Variants in HSH2D observed in about 807,000 individuals in gnomAD.
HSH2D encodes the protein hematopoietic SH2 domain containing, also known as hematopoietic SH2 domain-containing protein.
HSH2D carries 16 observed loss-of-function variants against 21.5 expected under a neutral mutation model. The ratio of observed to expected loss-of-function variants is 0.74; its 90% CI spans 0.50 to 1.13. HSH2D has a LOEUF of 1.13. Among genes scored for constraint, HSH2D ranks in the 50% most tolerant of loss-of-function variants. The pLI, the probability that HSH2D is intolerant of heterozygous loss-of-function variation, is 0.00. For missense variants in HSH2D, 418 were observed against 441.4 expected (o/e 0.95, Z 0.47); for synonymous variants, 172 against 184.7 (o/e 0.93, Z 0.56).
intron 1 of HSH2D, among the ~76,000 whole-genome samples, chr19:16,146,479 C>G (rs1028621621): frequency 2.3e-4 from 35 of 152,104 alleles, no homozygotes; most frequent in African/African-American, 8.4e-4. Context: ...AGTTCAAAGC[C>G]AGACTGGACA....
intron 1 of HSH2D, among the ~76,000 whole-genome samples, chr19:16,147,821 T>C (rs1198630696): frequency 3.3e-5 from 5 of 152,022 alleles, no homozygotes; most frequent in African/African-American, 1.2e-4. Flanking sequence ...CATTTTTGTA[T>C]TTTTGTAGTG....
At position 16,148,763 on chromosome 19, in the gene HSH2D, G is replaced by A. The variant is rs1235832273; in HGVS notation, c.13G>A (p.Gly5Arg). 12 of 1,613,954 alleles carry A rather than the reference G, an allele frequency of 7.4e-6. No homozygotes were observed. The highest frequency in any genetic ancestry group is 2.2e-5 in the South Asian group (2 of 91,074). Residue 5 changes from glycine to arginine, a missense_variant, in exon 2 of 6, where the codon GGG (glycine) becomes AGG (arginine). Coordinates refer to ENST00000613986, the MANE Select transcript of HSH2D (RefSeq NM_001382417.1). ...ACCCCAGGAAGCTATGACAGAGGCCGGGAAGCTGCCCCTACCGCTACCCCC... is the reference window on the plus strand; with the variant it reads ...ACCCCAGGAAGCTATGACAGAGGCCAGGAAGCTGCCCCTACCGCTACCCCC... MTEA[G>R]KLPLPLPPRL...
chr19:16,141,397 A>G (rs547157730), upstream of HSH2D, among the ~76,000 whole-genome samples: 252 of 152,316 alleles, frequency 1.7e-3, no homozygotes, highest in African/African-American at 5.9e-3. Context: ...TCTGCCTGAA[A>G]GGAGAGGAGG....
intron 2 of HSH2D, 106 bp downstream of exon 2, chr19:16,148,981 G>A: frequency 7.8e-7 from 1 of 1,276,928 alleles, no homozygotes; most frequent in Admixed American, 2.4e-5. Context: ...GCTCAGCTCA[G>A]TGTGGCAAGA....
At chr19:16,141,617 C>G (rs2145015464), upstream of HSH2D, among the ~76,000 whole-genome samples, 1 of 152,254 alleles carries the variant, frequency 6.6e-6, no homozygotes, top group South Asian at 2.1e-4. Context: ...GTCTTAATGC[C>G]AACACAGTTG....
In HSH2D at chr19:16,145,177, T is replaced by C. The variant is rs536146353; in HGVS notation, c.-28+1403T>C. Among the ~76,000 whole-genome samples, 13 of 152,094 alleles carry C rather than the reference T, an allele frequency of 8.5e-5. 1 individual carries two copies. The South Asian group carries it at 2.5e-3, about 29-fold the overall frequency. ...CCTCAGCCTCCTGAGTAGCTGAGAC[T>C]ACAGGCACATGCCACTGTAAGTTTT... is the stretch of plus-strand genomic sequence containing the variant. On this transcript the variant is annotated intron_variant, in intron 1 of 5. Coordinates refer to ENST00000613986, the MANE Select transcript of HSH2D (RefSeq NM_001382417.1).
intron 1 of HSH2D, among the ~76,000 whole-genome samples, chr19:16,145,404 G>T (rs2091054570): frequency 6.6e-6 from 1 of 151,930 alleles, no homozygotes; most frequent in Non-Finnish European, 1.5e-5. Context: ...TTAGAGATGG[G>T]GTTTCACCAT....
In HSH2D at chr19:16,158,330, C is replaced by T. The variant is rs432781; in HGVS notation, c.*536C>T. The T allele has an allele frequency of 0.64, 97,166 of 152,050 alleles. 33,021 individuals carry two copies. Among genetic ancestry groups the T allele is most frequent in the East Asian group, 0.95 (4,908 of 5,152 alleles). The allele number at this position is 152,050 out of a possible 1,614,324, so 9.4% of individuals were successfully genotyped here. ...GGCAGATCGCTTGAGGTCAGGAGTT[C>T]GAGACCAGCCTGGCCAACATGGTGA... On this transcript the variant is annotated 3_prime_UTR_variant, in exon 6 of 6. Coordinates refer to ENST00000613986, the MANE Select transcript of HSH2D (RefSeq NM_001382417.1).
rs372580975 is a variant in HSH2D at position 16,157,166 on chromosome 19, C to T, written c.475-44C>T. 2 of 1,473,982 alleles carry T rather than the reference C, an allele frequency of 1.4e-6. No individual in the cohort carries two copies. The highest frequency in any genetic ancestry group is 2.3e-5 in the East Asian group (1 of 43,428). The allele number at this position is 1,473,982 out of a possible 1,614,324, so 91.3% of individuals were successfully genotyped here. A position where few individuals can be genotyped will look rare whatever the true frequency, so the allele number is the denominator to read the frequency against. On this transcript the variant is annotated intron_variant, in intron 5 of 5. Transcript: ENST00000613986. This position sits in a 1 kb window ranked among gnomAD's most constrained non-coding sequence, Gnocchi z 4.4. ...CAATTTCTGGGACAGACATGGTGCT[C>T]TGGTGGGCAAGCTGCCCCAGGCCTC...
At chr19:16,154,550 G>T (rs746360628) in intron 5 of HSH2D, 59 bp downstream of exon 5, 10 of 1,047,382 alleles carry the variant, frequency 9.5e-6, no homozygotes, top group South Asian at 1.4e-5. Flanking sequence ...GAGTGGAGGT[G>T]GTCAACAGCT....
chr19:16,152,458 G>C, intron 2 of HSH2D, 94 bp from the exon 3 acceptor site: 1 of 624,810 alleles, frequency 1.6e-6, no homozygotes, highest in East Asian at 3.2e-5. Context: ...AAAACTACCA[G>C]CCTTCTCCAT....
chr19:16,137,063 A>T (rs2090968857), intron 1 of HSH2D, among the ~76,000 whole-genome samples: 2 of 152,094 alleles, frequency 1.3e-5, no homozygotes, highest in South Asian at 4.1e-4. Context: ...TGGCCATGAG[A>T]TGACAAATCT....
chr19:16,152,233 C>T (rs917621348), intron 2 of HSH2D, among the ~76,000 whole-genome samples: 1 of 151,416 alleles, frequency 6.6e-6, no homozygotes. Context: ...CTGGCTAACA[C>T]AGTGAAACCC....
chr19:16,137,354 G>A (rs183645432), intron 1 of HSH2D, among the ~76,000 whole-genome samples: 2 of 151,992 alleles, frequency 1.3e-5, no homozygotes, highest in East Asian at 1.9e-4. Flanking sequence ...CCGGCCGGGC[G>A]CGGTAGCTCA....
intron 1 of HSH2D, among the ~76,000 whole-genome samples, chr19:16,136,587 A>G (rs896337374): frequency 1.3e-5 from 2 of 152,204 alleles, no homozygotes; most frequent in Non-Finnish European, 2.9e-5. Flanking sequence ...GACATAGATA[A>G]GCGAGCTAGA....
At position 16,157,221 on chromosome 19, in the gene HSH2D, G is replaced by C; in HGVS notation, c.486G>C (p.Lys162Asn). ...ACTCTCATTTTCAGGCCTCCCCAAA[G>C]CCAGTCCTGTGTCACCAATCAAAGG... is the stretch of plus-strand genomic sequence containing the variant. The part of the protein sequence containing the change: ...PVSAPEEASP[K>N]PVLCHQSKER... The change falls in exon 6 of 6, where the codon AAG (lysine) becomes AAC (asparagine). Residue 162 changes from lysine (K) to asparagine (N), a missense_variant. Coordinates refer to ENST00000613986, the MANE Select transcript of HSH2D (RefSeq NM_001382417.1). The surrounding 1 kb of genome is among the most constrained non-coding windows in gnomAD (Gnocchi z 4.4). The C allele has an allele frequency of 6.5e-7, 1 of 1,539,740 alleles. No homozygotes were observed. The highest frequency in any genetic ancestry group is 1.3e-5 in the South Asian group (1 of 78,408).
chr19:16,134,149 G>A (rs1760495204), exon 1 of HSH2D: 1 of 152,390 alleles, frequency 6.6e-6, no homozygotes, highest in Admixed American at 6.5e-5. Context: ...AAGTCCAGAG[G>A]CAACCAGACA....
At position 16,157,698 on chromosome 19, in the gene HSH2D, G is replaced by T. The variant is rs1187948829; in HGVS notation, c.963G>T (p.Glu321Asp). 3.7e-6 allele frequency: 6 copies of T among 1,613,270 alleles called. 1 individual carries two copies. The highest frequency in any genetic ancestry group is 5.1e-6 in the Non-Finnish European group (6 of 1,179,692). ...QMVVRALSSQESKPEHQGLAE... is the reference protein window; with the variant it reads ...QMVVRALSSQDSKPEHQGLAE... Reference sequence around the variant, plus strand: ...TAGTGAGAGCCCTATCCTCCCAGGAGTCCAAGCCAGAGCACCAGGGCTTGG... The same window carrying T: ...TAGTGAGAGCCCTATCCTCCCAGGATTCCAAGCCAGAGCACCAGGGCTTGG... Residue 321 changes from glutamate to aspartate, a missense_variant, in exon 6 of 6, where the codon GAG becomes GAT. Coordinates refer to ENST00000613986, the MANE Select transcript of HSH2D (RefSeq NM_001382417.1). This position sits in a 1 kb window ranked among gnomAD's most constrained non-coding sequence, Gnocchi z 4.4.
intron 1 of HSH2D, 107 bp from the exon 2 acceptor site, chr19:16,148,617 A>C (rs1055064071): frequency 2.7e-6 from 3 of 1,098,900 alleles, no homozygotes; most frequent in Admixed American, 4.1e-5. Flanking sequence ...TGCTCTGTCC[A>C]CCCTGGAGGA....
Sources: gnomAD v4.1 joint callset for allele counts (sites outside exome capture counted in the v4.1 genomes callset) on GRCh38, gnomAD v4.1.1 for gene constraint, Gnocchi (gnomAD v3.1) non-coding constraint, MANE v1.5 for transcripts, NCBI Gene and HGNC (gene_info 2026-07-23, HGNC 2026-07-21) for gene names.